Variants in PTPN7 observed in about 807,000 individuals in gnomAD.
The protein encoded by PTPN7 is protein tyrosine phosphatase non-receptor type 7, also known as tyrosine-protein phosphatase non-receptor type 7.
PTPN7 carries 33 observed loss-of-function variants against 50.3 expected under a neutral mutation model. The ratio of observed to expected loss-of-function variants is 0.66; its 90% CI spans 0.50 to 0.88. The LOEUF is 0.88. Ranked by LOEUF, PTPN7 falls within the 40% of genes least tolerant of loss-of-function variation. The probability of loss-of-function intolerance (pLI) is 0.00; values close to 1 mark genes in which losing one functional copy is unlikely to be tolerated. For missense variants in PTPN7, 412 were observed against 475.4 expected (o/e 0.87, Z 1.24); for synonymous variants, 185 against 186.6 (o/e 0.99, Z 0.07).
rs62640026 is a variant in PTPN7, at chr1:202,152,555, C to T, written c.862G>A (p.Val288Ile). Residue 288 changes from valine (V) to isoleucine (I), a missense_variant, in exon 8 of 10, where the codon GTA (valine) becomes ATA (isoleucine). Transcript: ENST00000691036. ...PETAAHPGPI[V>I]VHCSAGIGRT... ...AGGGCCACGCACCTGCAGTGGACTA[C>T]GATAGGCCCGGGGTGGGCGGCTGTC... The T allele has an allele frequency of 2.9e-4, 462 of 1,612,824 alleles. 1 individual carries two copies. In the African/African-American group the frequency reaches 5.3e-3, roughly 18 times the overall value.
rs1003960522 is a variant in PTPN7 at position 202,160,308 on chromosome 1, G to A, written c.-53+237C>T. 2.8e-4 allele frequency among the ~76,000 whole-genome samples: 43 copies of A among 152,194 alleles called. 1 individual carries two copies. The highest frequency in any genetic ancestry group is 3.3e-4 in the Admixed American group (5 of 15,290). ...CTGGCACAGGTGTGAGTGGTAGAGC[G>A]AGGGTCTCTGGTAGCAGAAAAGGTC... On this transcript the variant is annotated intron_variant, in intron 1 of 9. Transcript: ENST00000691036. This position sits in a 1 kb window ranked among gnomAD's most constrained non-coding sequence, Gnocchi z 4.8.
intron 4 of PTPN7, among the ~76,000 whole-genome samples, chr1:202,156,662 C>T (rs1380218693): frequency 2.0e-5 from 3 of 152,272 alleles, no homozygotes; most frequent in East Asian, 3.9e-4. Flanking sequence ...AGAATTAGGC[C>T]AAGAACAAGG....
chr1:202,157,793 C>G lies in PTPN7; in HGVS notation c.337G>C (p.Asp113His). The G allele has an allele frequency of 1.2e-6, 2 of 1,614,162 alleles. No homozygotes were observed. Among genetic ancestry groups the G allele is most frequent in the Non-Finnish European group, 1.7e-6 (2 of 1,180,012 alleles). Residue 113 changes from aspartate to histidine, a missense_variant, in exon 4 of 10, where the codon GAC (aspartate) becomes CAC (histidine). By Grantham distance (81) the Asp-to-His change is moderately conservative. Transcript: ENST00000691036. The part of the protein sequence containing the change: ...KIPSNFVSPE[D>H]LDIPGHASKD... ...GAGGCGTGGCCAGGGATGTCCAGGT[C>G]TTCGGGGCTGACAAAGTTTGAAGGG...
chr1:202,153,910 T>A, intron 6 of PTPN7, 75 bp from the exon 7 acceptor site: 1 of 1,257,166 alleles, frequency 8.0e-7, no homozygotes, highest in Non-Finnish European at 1.2e-6. Flanking sequence ...GGGGCTGGTA[T>A]CTCCTCCCCA....
At chr1:202,154,489 A>G (rs1198121828) in intron 5 of PTPN7, among the ~76,000 whole-genome samples, 166 bp from the exon 6 acceptor site, 2 of 152,214 alleles carry the variant, frequency 1.3e-5, no homozygotes, top group Non-Finnish European at 2.9e-5. Context: ...TGGAAAGGAT[A>G]CGGGTTCTGG....
intron 9 of PTPN7, among the ~76,000 whole-genome samples, chr1:202,149,259 GT>G (rs762933206): frequency 1.4e-4 from 22 of 152,104 alleles, no homozygotes; most frequent in Non-Finnish European, 2.9e-4. Flanking sequence ...GATGCCCCAT[GT>G]TGACACTTGG....
At position 202,159,467 on chromosome 1, in the gene PTPN7, G is replaced by C; in HGVS notation, c.-52-13C>G. On this transcript the variant is annotated splice_polypyrimidine_tract_variant and intron_variant, in intron 1 of 9. Coordinates refer to ENST00000691036, the MANE Select transcript of PTPN7 (RefSeq NM_002832.4). This position sits in a 1 kb window ranked among gnomAD's most constrained non-coding sequence, Gnocchi z 4.6. ...CCATGAGGTCTGCCTGAAAGACAGGGCCCTCCGCTGCTGTTCTCTGGCCTG... is the reference window on the plus strand; with the variant it reads ...CCATGAGGTCTGCCTGAAAGACAGGCCCCTCCGCTGCTGTTCTCTGGCCTG... The C allele has an allele frequency of 6.2e-7, 1 of 1,608,182 alleles. No individual in the cohort carries two copies. The highest frequency in any genetic ancestry group is 8.5e-7 in the Non-Finnish European group (1 of 1,175,438).
At chr1:202,155,752 AGTT>A (rs772527751) in intron 4 of PTPN7, 143 bp from the exon 5 acceptor site, 113 of 677,344 alleles carry the variant, frequency 1.7e-4, no homozygotes, top group Middle Eastern at 5.1e-4. Context: ...CACCCACTGA[AGTT>A]GTTGTTTTTG....
At position 202,157,276 on chromosome 1, in the gene PTPN7, G is replaced by A. The variant is rs563856208; in HGVS notation, c.391+463C>T. ...TGTAATCCCAGCACTTTGGGAGGCC[G>A]AGGTGGGCGGATCACCTGAGGTCGG... On this transcript the variant is annotated intron_variant, in intron 4 of 9. Coordinates refer to ENST00000691036, the MANE Select transcript of PTPN7 (RefSeq NM_002832.4). Among the ~76,000 whole-genome samples the A allele has an allele frequency of 5.3e-4, 80 of 152,334 alleles. 1 individual carries two copies. The South Asian group carries it at 0.014, about 27-fold the overall frequency.
chr1:202,160,904 C>T (rs778879313), upstream of PTPN7: 74 of 1,454,152 alleles, frequency 5.1e-5, no homozygotes, highest in Non-Finnish European at 6.5e-5. This position sits in a 1 kb window ranked among gnomAD's most constrained non-coding sequence, Gnocchi z 4.8. Flanking sequence ...GGGCACAGCT[C>T]GCCTGACCCC....
Position 202,152,668 on chromosome 1 carries a change from A to C in PTPN7, c.749T>G (p.Ile250Ser). 2 of 1,613,956 alleles carry C rather than the reference A, an allele frequency of 1.2e-6. No homozygotes were observed. Among genetic ancestry groups the C allele is most frequent in the Non-Finnish European group, 1.7e-6 (2 of 1,179,984 alleles). The change falls in exon 8 of 10, where the codon ATC becomes AGC. Residue 250 changes from isoleucine (I) to serine (S), a missense_variant. Transcript: ENST00000691036. ...YQEERRSVKH[I>S]LFSAWPDHQT... ...ATGGTCTGGCCAGGCCGAAAAGAGG[A>C]TGTGCTTTACTGACCGGCGCTCTTC...
At chr1:202,161,132 G>A (rs74424886), upstream of PTPN7, 523 of 1,229,542 alleles carry the variant, frequency 4.3e-4, 1 homozygote, top group African/African-American at 6.7e-3. Context: ...GCACAGACTC[G>A]GGGTGGGGAA....
At chr1:202,161,400 T>A (rs565886338), upstream of PTPN7, 20 of 1,284,494 alleles carry the variant, frequency 1.6e-5, 1 homozygote, top group South Asian at 2.5e-4. Flanking sequence ...CAGTGGACAG[T>A]CTCTGGCCCT....
At chr1:202,155,274 G>A (rs1286048275) in intron 5 of PTPN7, among the ~76,000 whole-genome samples, 1 of 152,188 alleles carries the variant, frequency 6.6e-6, no homozygotes, top group East Asian at 1.9e-4. Flanking sequence ...TTAGAGGGTG[G>A]CATGGGAGGA....
At chr1:202,157,608 C>T (rs1656820296) in intron 4 of PTPN7, 131 bp downstream of exon 4, 1 of 784,064 alleles carries the variant, frequency 1.3e-6, no homozygotes, top group South Asian at 1.7e-5. Context: ...CTTCTTCCCC[C>T]TTTCTCTGCT....
At position 202,159,440 on chromosome 1, in the gene PTPN7, A is replaced by G; in HGVS notation, c.-38T>C. On this transcript the variant is annotated 5_prime_UTR_variant, in exon 2 of 10. Coordinates refer to ENST00000691036, the MANE Select transcript of PTPN7 (RefSeq NM_002832.4). The surrounding 1 kb of genome is among the most constrained non-coding windows in gnomAD (Gnocchi z 4.6). ...TGCTGGGCCCAGGGGAGGCTCACTC[A>G]GCCATGAGGTCTGCCTGAAAGACAG... is the stretch of plus-strand genomic sequence containing the variant. The G allele has an allele frequency of 6.2e-7, 1 of 1,613,594 alleles. No individual in the cohort carries two copies. The highest frequency in any genetic ancestry group is 8.5e-7 in the Non-Finnish European group (1 of 1,179,580).
rs771454561 is a variant in PTPN7, at chr1:202,150,299, C to T, written c.989+12G>A. On this transcript the variant is annotated intron_variant, in intron 9 of 9. Coordinates refer to ENST00000691036, the MANE Select transcript of PTPN7 (RefSeq NM_002832.4). ...TTAACGTTGTTGGCCTTGTTTACAC[C>T]CACAGACCCACCTGTCTAGCCGCAG... 7 of 1,601,556 alleles carry T rather than the reference C, an allele frequency of 4.4e-6. No individual in the cohort carries two copies. The highest frequency in any genetic ancestry group is 5.1e-6 in the Non-Finnish European group (6 of 1,172,280).
chr1:202,153,603 A>G, intron 7 of PTPN7, 122 bp downstream of exon 7: 1 of 745,056 alleles, frequency 1.3e-6, no homozygotes, highest in Admixed American at 2.4e-5. Context: ...TCTGCTATAG[A>G]TGTGGGTTTA....
At chr1:202,157,423 C>T (rs1368602893) in intron 4 of PTPN7, among the ~76,000 whole-genome samples, 1 of 151,892 alleles carries the variant, frequency 6.6e-6, no homozygotes, top group Non-Finnish European at 1.5e-5. Context: ...GCAGGAGAAT[C>T]GCTTGAACCC....
Sources: gnomAD v4.1 joint callset for allele counts (sites outside exome capture counted in the v4.1 genomes callset) on GRCh38, gnomAD v4.1.1 for gene constraint, Gnocchi (gnomAD v3.1) non-coding constraint, MANE v1.5 for transcripts, NCBI Gene and HGNC (gene_info 2026-07-23, HGNC 2026-07-21) for gene names.